Variants in BLOC1S2 observed in about 807,000 individuals in gnomAD.
The protein encoded by BLOC1S2 is biogenesis of lysosome-related organelles complex 1 subunit 2.
Under a neutral mutation model 19.6 loss-of-function variants are expected in BLOC1S2, and 12 were observed. The ratio of observed to expected loss-of-function variants is 0.61; its 90% CI spans 0.39 to 0.99. The LOEUF is 0.99. Among genes scored for constraint, BLOC1S2 ranks in the 50% least tolerant of loss-of-function variants. The pLI, the probability that BLOC1S2 is intolerant of heterozygous loss-of-function variation, is 0.00. For synonymous variants in BLOC1S2, 66 were observed against 64.1 expected (o/e 1.03, Z -0.14); for missense variants, 142 against 171.0 (o/e 0.83, Z 0.95).
At chr10:100,281,902 A>G (rs999143680) in intron 2 of BLOC1S2, among the ~76,000 whole-genome samples, 6 of 151,762 alleles carry the variant, frequency 4.0e-5, no homozygotes, top group African/African-American at 1.2e-4. Flanking sequence ...CTCTACTCCA[A>G]TTTTCCTAAA....
At chr10:100,284,750 C>T (rs1564874704) in intron 2 of BLOC1S2, among the ~76,000 whole-genome samples, 1 of 151,900 alleles carries the variant, frequency 6.6e-6, no homozygotes, top group African/African-American at 2.4e-5. Flanking sequence ...CTAGGCCTCC[C>T]GAAGTGCTGG....
intron 3 of BLOC1S2, 91 bp from the exon 4 acceptor site, chr10:100,280,319 T>G: frequency 1.7e-6 from 2 of 1,157,514 alleles, no homozygotes; most frequent in Non-Finnish European, 2.5e-6. Context: ...CTAGTGTCTC[T>G]CCAGCTATGC....
chr10:100,279,278 T>G (rs568725404), intron 4 of BLOC1S2, among the ~76,000 whole-genome samples: 1 of 152,364 alleles, frequency 6.6e-6, no homozygotes, highest in South Asian at 2.1e-4. Flanking sequence ...TTATCTACAT[T>G]ATTAAAGGTG....
intron 2 of BLOC1S2, chr10:100,282,790 CTTAAAA>C (rs1252786074): frequency 5.0e-6 from 2 of 396,894 alleles, no homozygotes; most frequent in Non-Finnish European, 8.9e-6. Flanking sequence ...TAACAATTTG[CTTAAAA>C]TTAATTATAT....
At chr10:100,285,520 T>TG (rs1848212822) in intron 2 of BLOC1S2, among the ~76,000 whole-genome samples, 1 of 152,198 alleles carries the variant, frequency 6.6e-6, no homozygotes, top group African/African-American at 2.4e-5. Context: ...CCTCGGCCTC[T>TG]GGGATTAAAG....
Position 100,286,493 on chromosome 10 carries a change from CCT to C in BLOC1S2, c.55+110_55+111del, listed in dbSNP as rs1359723694. The C allele has an allele frequency of 2.6e-6, 4 of 1,528,060 alleles. No individual in the cohort carries two copies. In the South Asian group the frequency reaches 3.7e-5, roughly 14 times the overall value. The allele number at this position is 1,528,060 out of a possible 1,614,324, so 94.7% of individuals were successfully genotyped here. A position where few individuals can be genotyped will look rare whatever the true frequency, so the allele number is the denominator to read the frequency against. On this transcript the variant is annotated intron_variant, in intron 1 of 4. Transcript: ENST00000370372. ...ACTCGCGCGCAGCGACAAGTGCACT[CCT>C]CTCACCAGCCCGTTCCTGCCAGGTG... is the stretch of plus-strand genomic sequence containing the variant.
intron 4 of BLOC1S2, among the ~76,000 whole-genome samples, chr10:100,275,976 T>C (rs984569998): frequency 6.6e-6 from 1 of 152,108 alleles, no homozygotes; most frequent in African/African-American, 2.4e-5. Context: ...CCTCTTACTC[T>C]GACATTCCGT....
At chr10:100,279,615 G>A (rs1025331070) in intron 4 of BLOC1S2, among the ~76,000 whole-genome samples, 5 of 152,226 alleles carry the variant, frequency 3.3e-5, no homozygotes, top group African/African-American at 9.6e-5. Flanking sequence ...AGATTATTGG[G>A]AAGATAAAAA....
At chr10:100,284,803 A>T (rs773118851) in intron 2 of BLOC1S2, among the ~76,000 whole-genome samples, 1 of 151,768 alleles carries the variant, frequency 6.6e-6, no homozygotes, top group Non-Finnish European at 1.5e-5. Context: ...ATTTTTTTAA[A>T]TAATAATAAT....
chr10:100,275,485 A>T lies in BLOC1S2; in HGVS notation c.406T>A (p.Tyr136Asn). Residue 136 changes from tyrosine to asparagine, a missense_variant, in exon 5 of 5, where the codon TAC becomes AAC. By Grantham distance (143) the Tyr-to-Asn change is moderately radical (BLOSUM62 -2). This residue lies in a region of BLOC1S2 where 94 missense variants were observed against 141.3 expected (regional missense o/e 0.67). Coordinates refer to ENST00000370372, the MANE Select transcript of BLOC1S2 (RefSeq NM_173809.5). ...DAYSKKLEAK[Y>N]KKLEKR ...TCTCATCGCTTCTCCAGCTTCTTGTACTTGGCTTCTGTGAGGGATGAGGGA... is the reference window on the plus strand; with the variant it reads ...TCTCATCGCTTCTCCAGCTTCTTGTTCTTGGCTTCTGTGAGGGATGAGGGA... The T allele has an allele frequency of 6.2e-7, 1 of 1,605,244 alleles. No individual in the cohort carries two copies. Among genetic ancestry groups the T allele is most frequent in the Non-Finnish European group, 8.5e-7 (1 of 1,174,212 alleles).
chr10:100,279,746 GCGC>G (rs996705254), intron 4 of BLOC1S2, among the ~76,000 whole-genome samples: 1 of 152,032 alleles, frequency 6.6e-6, no homozygotes, highest in Admixed American at 6.6e-5. Flanking sequence ...GCGTGGTGGC[GCGC>G]CTGTAATCCC....
rs1349903100 is a variant in BLOC1S2, at chr10:100,274,069, C to T, written c.*1393G>A. 2 of 152,044 alleles carry T rather than the reference C, an allele frequency of 1.3e-5. No homozygotes were observed. Among genetic ancestry groups the T allele is most frequent in the African/African-American group, 4.8e-5 (2 of 41,392 alleles). 9.4% of individuals were successfully genotyped at this position (152,044 alleles called of 1,614,324 possible). A position where few individuals can be genotyped will look rare whatever the true frequency, so the allele number is the denominator to read the frequency against. ...CACTTGAGGCCAGTTCAAGACCAGC[C>T]TGGACAACATAGTGAGACTCCATCT... On this transcript the variant is annotated 3_prime_UTR_variant, in exon 5 of 5. Coordinates refer to ENST00000370372, the MANE Select transcript of BLOC1S2 (RefSeq NM_173809.5).
intron 4 of BLOC1S2, among the ~76,000 whole-genome samples, chr10:100,278,413 T>C (rs1215099026): frequency 5.6e-4 from 84 of 150,298 alleles, no homozygotes; most frequent in African/African-American, 2.0e-3. Context: ...GGGGAAAAGA[T>C]TGAGAAATCG....
chr10:100,280,855 TTC>T lies in BLOC1S2; in HGVS notation c.292+77_292+78del. The T allele has an allele frequency of 3.4e-6, 5 of 1,463,648 alleles. No homozygotes were observed. The South Asian group carries it at 6.9e-5, about 20-fold the overall frequency. 90.7% of individuals were successfully genotyped at this position (1,463,648 alleles called of 1,614,324 possible). On this transcript the variant is annotated intron_variant, in intron 3 of 4. Transcript: ENST00000370372. ...GCTCCCACAAGACAAGGATGTCATG[TTC>T]CCTCCTCTTCTCCATGGCCCCAAGC...
At chr10:100,277,592 C>A (rs1453087309) in intron 4 of BLOC1S2, among the ~76,000 whole-genome samples, 1 of 118,320 alleles carries the variant, frequency 8.5e-6, no homozygotes, top group South Asian at 2.7e-4. Flanking sequence ...CCGCTCCGTC[C>A]GGGAGGGAGG....
intron 4 of BLOC1S2, among the ~76,000 whole-genome samples, chr10:100,276,508 GTCTCCCTCTCCCTCTCCTT>G (rs1847873523): frequency 1.7e-5 from 2 of 117,416 alleles, no homozygotes; most frequent in African/African-American, 3.0e-5. Context: ...TCCCTCTCCC[GTCTCCCTCTCCCTCTCCTT>G]TCCACGGTCT....
rs747231672 is a variant in BLOC1S2, at chr10:100,275,537, TACAAAG to T, written c.398-50_398-45del. On this transcript the variant is annotated intron_variant, in intron 4 of 4. Coordinates refer to ENST00000370372, the MANE Select transcript of BLOC1S2 (RefSeq NM_173809.5). ...AGTTACATCTTTTAAAACTGGCTCT[TACAAAG>T]ACAGTTTTTAGTTAGCATTTCCAGT... The T allele has an allele frequency of 3.2e-4, 495 of 1,556,188 alleles. 1 individual carries two copies. The highest frequency in any genetic ancestry group is 3.7e-4 in the Non-Finnish European group (418 of 1,144,476).
Position 100,280,127 on chromosome 10 carries a change from G to GT in BLOC1S2, c.393dup (p.Leu132ThrfsTer25). On this transcript the variant is annotated frameshift_variant, in exon 4 of 5. Coordinates refer to ENST00000370372, the MANE Select transcript of BLOC1S2 (RefSeq NM_173809.5). LOFTEE classifies it high-confidence loss of function. Reference sequence around the variant, plus strand: ...AAACAGAAGTAAAAACGGTTACCCAGTTTTTTTGAATATGCATCCAACTTG... The same window carrying GT: ...AAACAGAAGTAAAAACGGTTACCCAGTTTTTTTTGAATATGCATCCAACTTG... The GT allele has an allele frequency of 6.2e-7, 1 of 1,612,460 alleles. No individual in the cohort carries two copies. The highest frequency in any genetic ancestry group is 8.5e-7 in the Non-Finnish European group (1 of 1,179,168).
At chr10:100,277,502 A>G (rs1430126502) in intron 4 of BLOC1S2, among the ~76,000 whole-genome samples, 3 of 87,990 alleles carry the variant, frequency 3.4e-5, no homozygotes, top group Non-Finnish European at 4.5e-5. Context: ...TCCGGGAGGG[A>G]GGTGGGGGGG....
Sources: gnomAD v4.1 joint callset for allele counts (sites outside exome capture counted in the v4.1 genomes callset) on GRCh38, gnomAD v4.1.1 for gene constraint, gnomAD v4.1.1 regional missense constraint, MANE v1.5 for transcripts, NCBI Gene and HGNC (gene_info 2026-07-23, HGNC 2026-07-21) for gene names.